The following CBFA2T3 variants were observed in gnomAD, a reference collection of about 807,000 sequenced individuals.
The protein encoded by CBFA2T3 is CBFA2/RUNX1 partner transcriptional co-repressor 3.
CBFA2T3 carries 31 observed loss-of-function variants against 58.6 expected under a neutral mutation model. That is an observed-to-expected ratio of 0.53 (90% CI 0.40 to 0.71). The LOEUF (loss-of-function observed/expected upper bound fraction) is 0.71, where lower values mean the gene tolerates loss of function less well. CBFA2T3 is among the 30% of genes least tolerant of loss of function. CBFA2T3 has a pLI of 0.00. For synonymous variants in CBFA2T3, 531 were observed against 421.9 expected (o/e 1.26, Z -3.17); for missense variants, 1,076 against 963.1 (o/e 1.12, Z -1.55).
chr16:88,976,876 C>A lies in CBFA2T3; in HGVS notation c.-69G>T. On this transcript the variant is annotated 5_prime_UTR_variant, in exon 1 of 12. Transcript: ENST00000268679. ...CCTCTACCAGGACTGCCTTTCCCGA[C>A]CTCCTGCAGCCTTGAGGGAAAGAGG... 3 of 1,486,856 alleles carry A rather than the reference C, an allele frequency of 2.0e-6. No individual in the cohort carries two copies. The highest frequency in any genetic ancestry group is 2.7e-6 in the Non-Finnish European group (3 of 1,105,824). 92.1% of individuals were successfully genotyped at this position (1,486,856 alleles called of 1,614,324 possible).
At chr16:88,930,892 T>C (rs544237750) in intron 1 of CBFA2T3, among the ~76,000 whole-genome samples, 2 of 151,242 alleles carry the variant, frequency 1.3e-5, no homozygotes, top group South Asian at 2.1e-4. Flanking sequence ...TGGGGTTTCC[T>C]TTCCGGGTGA....
intron 1 of CBFA2T3, among the ~76,000 whole-genome samples, chr16:88,954,159 G>A (rs1264748692): frequency 6.6e-6 from 1 of 152,046 alleles, no homozygotes; most frequent in Non-Finnish European, 1.5e-5. Context: ...GACCACAGTG[G>A]GCTCCCCCAG....
intron 1 of CBFA2T3, among the ~76,000 whole-genome samples, chr16:88,909,704 T>C (rs1970466530): frequency 6.6e-6 from 1 of 152,096 alleles, no homozygotes; most frequent in South Asian, 2.1e-4. Flanking sequence ...GAGTCATCCG[T>C]CCACGGCCGC....
At chr16:88,932,601 C>T (rs868187719) in intron 1 of CBFA2T3, among the ~76,000 whole-genome samples, 29 of 151,758 alleles carry the variant, frequency 1.9e-4, no homozygotes, top group South Asian at 8.3e-4. Context: ...GAGCCATGAT[C>T]GCACCACTGC....
intron 1 of CBFA2T3, among the ~76,000 whole-genome samples, chr16:88,972,392 G>C (rs116363590): frequency 0.018 from 2,761 of 152,246 alleles, 88 homozygotes; most frequent in African/African-American, 0.063. Flanking sequence ...TCCTGCCTCT[G>C]TGGATGCCCC....
chr16:88,885,854 G>T lies in CBFA2T3; in HGVS notation c.893+107C>A. The T allele has an allele frequency of 9.9e-7, 1 of 1,008,968 alleles. No homozygotes were observed. Among genetic ancestry groups the T allele is most frequent in the African/African-American group, 1.6e-5 (1 of 61,826 alleles). The allele number at this position is 1,008,968 out of a possible 1,614,324, so 62.5% of individuals were successfully genotyped here. ...CTCCCTCAGCCCGAGAGAGCCGGCC[G>T]GGCTGGCTGCAGCCCCAGAGGAGGT... On this transcript the variant is annotated intron_variant, in intron 6 of 11. Transcript: ENST00000268679. The surrounding 1 kb of genome is among the most constrained non-coding windows in gnomAD (Gnocchi z 5.3).
In CBFA2T3 at chr16:88,882,568, GGCTGTGGGCGTGGCTGTGTGTGCA is replaced by G. The variant is rs1969156279; in HGVS notation, c.1203+84_1203+107del. 4.8e-5 allele frequency: 19 copies of G among 398,318 alleles called. No homozygotes were observed. In the East Asian group the frequency reaches 2.0e-3, roughly 42 times the overall value. The allele number at this position is 398,318 out of a possible 1,614,324, so 24.7% of individuals were successfully genotyped here. On this transcript the variant is annotated intron_variant, in intron 8 of 11. Transcript: ENST00000268679. Reference sequence around the variant, plus strand: ...CATGGGTGTGGCTGTGTGTGGGCATGGCTGTGGGCGTGGCTGTGTGTGCATGGCTGTGTGTGCGTGGCTGTGTGT... The same window carrying G: ...CATGGGTGTGGCTGTGTGTGGGCATGTGGCTGTGTGTGCGTGGCTGTGTGT...
chr16:88,885,681 G>A lies in CBFA2T3; in HGVS notation c.893+280C>T, dbSNP rs1475669980. On this transcript the variant is annotated intron_variant, in intron 6 of 11. Coordinates refer to ENST00000268679, the MANE Select transcript of CBFA2T3 (RefSeq NM_005187.6). This position sits in a 1 kb window ranked among gnomAD's most constrained non-coding sequence, Gnocchi z 5.3. Reference sequence around the variant, plus strand: ...GGACCATGGACCCCGGACGCTCGGAGTCCATGCCCGGCACACAGGGGAGAG... The same window carrying A: ...GGACCATGGACCCCGGACGCTCGGAATCCATGCCCGGCACACAGGGGAGAG... 3 of 484,736 alleles carry A rather than the reference G, an allele frequency of 6.2e-6. No individual in the cohort carries two copies. Among genetic ancestry groups the A allele is most frequent in the African/African-American group, 4.0e-5 (2 of 49,994 alleles). 30.0% of individuals were successfully genotyped at this position (484,736 alleles called of 1,614,324 possible).
chr16:88,914,197 A>G (rs1263820769), intron 1 of CBFA2T3, among the ~76,000 whole-genome samples: 2 of 152,262 alleles, frequency 1.3e-5, no homozygotes, highest in African/African-American at 4.8e-5. Context: ...GGGATGCGAG[A>G]GTCCGTTTCT....
At position 88,958,060 on chromosome 16, in the gene CBFA2T3, C is replaced by T. The variant is rs1454006610; in HGVS notation, c.151+18597G>A. Among the ~76,000 whole-genome samples, 1 of 152,208 alleles carries T rather than the reference C, an allele frequency of 6.6e-6. No homozygotes were observed. The highest frequency in any genetic ancestry group is 1.9e-4 in the East Asian group (1 of 5,192). On this transcript the variant is annotated intron_variant, in intron 1 of 11. Transcript: ENST00000268679. The surrounding 1 kb of genome is among the most constrained non-coding windows in gnomAD (Gnocchi z 4.0). ...CCGGAACGAAAGTACCTGTGAGCTG[C>T]TCACAATCCCTCGCTCACAGAGAGG... is the stretch of plus-strand genomic sequence containing the variant.
chr16:88,906,542 T>C (rs1970342016), intron 1 of CBFA2T3, among the ~76,000 whole-genome samples: 1 of 152,232 alleles, frequency 6.6e-6, no homozygotes, highest in Admixed American at 6.5e-5. Flanking sequence ...ACCAGTGTCC[T>C]GGTGCAATGG....
intron 1 of CBFA2T3, among the ~76,000 whole-genome samples, chr16:88,932,522 C>T (rs1971346312): frequency 6.6e-6 from 1 of 151,746 alleles, no homozygotes; most frequent in African/African-American, 2.4e-5. Flanking sequence ...TGGTGAACAC[C>T]CATAGTCCCA....
At chr16:88,922,942 C>T (rs1323418548) in intron 1 of CBFA2T3, among the ~76,000 whole-genome samples, 1 of 152,204 alleles carries the variant, frequency 6.6e-6, no homozygotes, top group Non-Finnish European at 1.5e-5. Context: ...GCAGCAAAGG[C>T]CCAGAGAGGA....
At chr16:88,908,684 C>T (rs1348853976) in intron 1 of CBFA2T3, among the ~76,000 whole-genome samples, 1 of 152,254 alleles carries the variant, frequency 6.6e-6, no homozygotes, top group Non-Finnish European at 1.5e-5. Flanking sequence ...GCTCATCTTT[C>T]CGGCCTTCCC....
intron 1 of CBFA2T3, among the ~76,000 whole-genome samples, chr16:88,909,075 G>C (rs942129299): frequency 2.0e-5 from 3 of 152,194 alleles, no homozygotes; most frequent in Admixed American, 6.5e-5. Flanking sequence ...AGGGGAGGAG[G>C]AGGGCATGGC....
At chr16:88,941,798 C>A (rs890968720) in intron 1 of CBFA2T3, 1 of 148,252 alleles carries the variant, frequency 6.7e-6, no homozygotes, top group Admixed American at 6.7e-5. Flanking sequence ...CCGCGGGCCT[C>A]GCAGCTTTAG....
chr16:88,900,236 C>A (rs1316614953), intron 2 of CBFA2T3, among the ~76,000 whole-genome samples: 1 of 152,254 alleles, frequency 6.6e-6, no homozygotes, highest in African/African-American at 2.4e-5. Flanking sequence ...GCTGTACCTG[C>A]CTCTGGGCGG....
At chr16:88,933,935 C>T (rs927654988) in intron 1 of CBFA2T3, among the ~76,000 whole-genome samples, 2 of 141,608 alleles carry the variant, frequency 1.4e-5, no homozygotes, top group African/African-American at 2.5e-5. Context: ...GCACGCTGCC[C>T]CCGGGAGAGC....
chr16:88,892,177 G>T, intron 4 of CBFA2T3, 67 bp downstream of exon 4: 1 of 1,553,054 alleles, frequency 6.4e-7, no homozygotes, highest in Non-Finnish European at 8.7e-7. Flanking sequence ...AGTGGCCGTG[G>T]CTGCAACCTC....
Sources: allele counts gnomAD v4.1 joint callset (sites outside exome capture counted in the v4.1 genomes callset), GRCh38; gene constraint gnomAD v4.1.1; non-coding constraint Gnocchi (gnomAD v3.1); transcripts MANE v1.5; gene names NCBI Gene and HGNC (gene_info 2026-07-23, HGNC 2026-07-21).